The following HEATR1 variants were observed in gnomAD, a reference collection of about 807,000 sequenced individuals.
HEATR1 encodes HEAT repeat containing 1.
A neutral mutation model predicts 248.2 loss-of-function variants in HEATR1; 77 were observed. The observed-to-expected ratio is 0.31, with a 90% CI of 0.26 to 0.37. The LOEUF (loss-of-function observed/expected upper bound fraction) is 0.37. Among genes scored for constraint, HEATR1 ranks in the 10% least tolerant of loss-of-function variants. The probability of loss-of-function intolerance (pLI) is 1.00; values close to 1 mark genes in which losing one functional copy is unlikely to be tolerated. For synonymous variants in HEATR1, 897 were observed against 923.1 expected, an observed-to-expected ratio of 0.97 and a Z score of 0.51; for missense variants, 2,420 against 2,504.9, an observed-to-expected ratio of 0.97 and a Z score of 0.72.
intron 2 of HEATR1, 70 bp downstream of exon 2, chr1:236,603,884 A>G: frequency 6.8e-7 from 1 of 1,472,396 alleles, no homozygotes; most frequent in Non-Finnish European, 9.2e-7. Flanking sequence ...AACAAGGGGA[A>G]AAAAAAAAAA....
chr1:236,596,789 T>C (rs1664187863), intron 6 of HEATR1, 47 bp downstream of exon 6: 3 of 1,505,308 alleles, frequency 2.0e-6, no homozygotes, highest in Non-Finnish European at 2.7e-6. Context: ...AGCAAGAAAA[T>C]TCCTTTAAGT....
chr1:236,579,723 A>G (rs1048248861), intron 20 of HEATR1, among the ~76,000 whole-genome samples: 17 of 152,292 alleles, frequency 1.1e-4, no homozygotes, highest in African/African-American at 3.6e-4. Context: ...AAGCGAATAA[A>G]AAATTACTTT....
chr1:236,600,245 G>A (rs1664284790), intron 3 of HEATR1, among the ~76,000 whole-genome samples: 1 of 139,186 alleles, frequency 7.2e-6, no homozygotes, highest in African/African-American at 2.7e-5. Context: ...TCCTGCCTCC[G>A]CCTCCCAAGT....
chr1:236,592,616 T>C lies in HEATR1; in HGVS notation c.1211A>G (p.Tyr404Cys), dbSNP rs1664069114. The change falls in exon 10 of 45, where the codon TAT becomes TGT. Residue 404 changes from tyrosine to cysteine, a missense_variant. Coordinates refer to ENST00000366582, the MANE Select transcript of HEATR1 (RefSeq NM_018072.6). ...HLLASLLFEE[Y>C]ISYSSQEEMD... is the part of the protein sequence containing the mutation. The stretch of plus-strand genomic sequence containing the variant: ...TTCTTCCTGTGAACTATATGAAATA[T>C]ACTCTTCAAATAGAAGGCTGTAAAA... 4.2e-6 allele frequency: 6 copies of C among 1,420,364 alleles called. No homozygotes were observed. Among genetic ancestry groups the C allele is most frequent in the Non-Finnish European group, 5.9e-6 (6 of 1,019,902 alleles). 88.0% of individuals were successfully genotyped at this position (1,420,364 alleles called of 1,614,324 possible).
At chr1:236,554,477 C>T in intron 42 of HEATR1, 121 bp downstream of exon 42, 1 of 819,774 alleles carries the variant, frequency 1.2e-6, no homozygotes, top group Non-Finnish European at 2.0e-6. Flanking sequence ...ATTAAAAAGA[C>T]CAGAAAAAAC....
At chr1:236,589,227 T>C (rs1368351050) in intron 12 of HEATR1, among the ~76,000 whole-genome samples, 1 of 152,234 alleles carries the variant, frequency 6.6e-6, no homozygotes, top group Non-Finnish European at 1.5e-5. Context: ...CCCTTTATTC[T>C]AGAAGAATTT....
intron 19 of HEATR1, among the ~76,000 whole-genome samples, chr1:236,582,436 CTT>C (rs1558187306): frequency 6.7e-6 from 1 of 149,414 alleles, no homozygotes; most frequent in African/African-American, 2.5e-5. Context: ...GAGTCTCACT[CTT>C]GTCACCCAGG....
In HEATR1 at chr1:236,595,918, T is replaced by C; in HGVS notation, c.871A>G (p.Thr291Ala). 1.2e-6 allele frequency: 2 copies of C among 1,614,094 alleles called. No homozygotes were observed. Among genetic ancestry groups the C allele is most frequent in the Non-Finnish European group, 1.7e-6 (2 of 1,179,952 alleles). ...TCCTTGATCAAAGAGGGAATCTTGGTCAATGTTTTGATGATCTGTGATGCC... is the reference window on the plus strand; with the variant it reads ...TCCTTGATCAAAGAGGGAATCTTGGCCAATGTTTTGATGATCTGTGATGCC... ...SLASQIIKTL[T>A]KIPSLIKDGL... is the part of the protein sequence containing the mutation. Residue 291 changes from threonine to alanine, a missense_variant, in exon 7 of 45, where the codon ACC (threonine) becomes GCC (alanine). By Grantham distance (58) the Thr-to-Ala change is moderately conservative. Coordinates refer to ENST00000366582, the MANE Select transcript of HEATR1 (RefSeq NM_018072.6).
chr1:236,587,312 G>T (rs1663920186), intron 14 of HEATR1, 90 bp downstream of exon 14: 1 of 525,010 alleles, frequency 1.9e-6, no homozygotes, highest in Non-Finnish European at 3.2e-6. Context: ...TGTAATCAAA[G>T]CCTTAAAAAA....
chr1:236,571,700 A>C lies in HEATR1; in HGVS notation c.3708-14T>G, dbSNP rs1333752710. On this transcript the variant is annotated splice_polypyrimidine_tract_variant and intron_variant, in intron 26 of 44. Transcript: ENST00000366582. Reference sequence around the variant, plus strand: ...GGTTCTAAACATCTTCAGGACACCCAAAAGAGAAATGATGGGAAATGTAAA... The same window carrying C: ...GGTTCTAAACATCTTCAGGACACCCCAAAGAGAAATGATGGGAAATGTAAA... 1 of 1,554,220 alleles carries C rather than the reference A, an allele frequency of 6.4e-7. No individual in the cohort carries two copies. Among genetic ancestry groups the C allele is most frequent in the Non-Finnish European group, 8.9e-7 (1 of 1,126,072 alleles).
At chr1:236,580,534 T>TTTTTTTTTTTTTG (rs1663691977) in intron 20 of HEATR1, among the ~76,000 whole-genome samples, 1 of 151,234 alleles carries the variant, frequency 6.6e-6, no homozygotes. Context: ...TTTTTTTTTT[T>TTTTTTTTTTTTTG]GAGACAGGGT....
At chr1:236,569,489 T>G (rs1663365181) in intron 28 of HEATR1, among the ~76,000 whole-genome samples, 1 of 152,092 alleles carries the variant, frequency 6.6e-6, no homozygotes, top group Non-Finnish European at 1.5e-5. Flanking sequence ...TCATTACAAC[T>G]CACCAATAAA....
rs375609616 is a variant in HEATR1 at position 236,555,849 on chromosome 1, C to T, written c.5605G>A (p.Ala1869Thr). ...ELTSHQSQLT[A>T]FFLEALDFRA... ...AAGTCCAGGGCTTCCAGGAAAAAGG[C>T]GGTTAGCTGAGACTGATGGGAGGTG... Residue 1869 changes from alanine to threonine, a missense_variant, in exon 39 of 45, where the codon GCC becomes ACC. By Grantham distance (58) the Ala-to-Thr change is moderately conservative (BLOSUM62 0). Coordinates refer to ENST00000366582, the MANE Select transcript of HEATR1 (RefSeq NM_018072.6). The T allele has an allele frequency of 1.1e-5, 18 of 1,613,948 alleles. No homozygotes were observed. Among genetic ancestry groups the T allele is most frequent in the East Asian group, 2.2e-5 (1 of 44,894 alleles).
chr1:236,576,080 C>T, intron 22 of HEATR1, 139 bp downstream of exon 22: 1 of 547,422 alleles, frequency 1.8e-6, no homozygotes. Flanking sequence ...CAACTCATCC[C>T]CCTCTCAAAT....
chr1:236,572,898 C>A, intron 24 of HEATR1, 70 bp from the exon 25 acceptor site: 2 of 1,340,878 alleles, frequency 1.5e-6, no homozygotes, highest in Non-Finnish European at 2.1e-6. Context: ...TAAATGTTAA[C>A]CCCTAGGAAG....
chr1:236,549,081 CAG>C lies in HEATR1; in HGVS notation c.*1819_*1820del. On this transcript the variant is annotated 3_prime_UTR_variant, in exon 45 of 45. Coordinates refer to ENST00000366582, the MANE Select transcript of HEATR1 (RefSeq NM_018072.6). ...CAGGCATTCATAAGGCAGGCACTAT[CAG>C]AAAGTGTACGCCAACTAAGGGACCC... 2.5e-6 allele frequency: 1 copy of C among 398,288 alleles called. No individual in the cohort carries two copies. The highest frequency in any genetic ancestry group is 4.4e-6 in the Non-Finnish European group (1 of 225,904). 24.7% of individuals were successfully genotyped at this position (398,288 alleles called of 1,614,324 possible).
chr1:236,580,120 A>T (rs755589058), intron 20 of HEATR1, among the ~76,000 whole-genome samples: 12 of 152,222 alleles, frequency 7.9e-5, no homozygotes, highest in Non-Finnish European at 1.6e-4. Flanking sequence ...TCATGTCAAT[A>T]GCTCTGTAAG....
intron 17 of HEATR1, among the ~76,000 whole-genome samples, chr1:236,584,692 C>G (rs145602435): frequency 1.3e-5 from 2 of 152,290 alleles, no homozygotes; most frequent in East Asian, 3.9e-4. Flanking sequence ...GTATTTTGTT[C>G]AAGCACTAAC....
chr1:236,568,986 G>C lies in HEATR1; in HGVS notation c.4077+10C>G, dbSNP rs746354957. On this transcript the variant is annotated intron_variant, in intron 29 of 44. Transcript: ENST00000366582. The stretch of plus-strand genomic sequence containing the variant: ...AAAAGAAACCCCACGATGGTATAAA[G>C]AGACCTTACCTGAATAAGTGCGGGA... The C allele has an allele frequency of 6.5e-7, 1 of 1,532,252 alleles. No homozygotes were observed. The highest frequency in any genetic ancestry group is 8.7e-7 in the Non-Finnish European group (1 of 1,144,860). 94.9% of individuals were successfully genotyped at this position (1,532,252 alleles called of 1,614,324 possible).
Sources: allele counts gnomAD v4.1 joint callset (sites outside exome capture counted in the v4.1 genomes callset), GRCh38; gene constraint gnomAD v4.1.1; transcripts MANE v1.5; gene names NCBI Gene and HGNC (gene_info 2026-07-23, HGNC 2026-07-21).